The following CNKSR3 variants were observed in gnomAD, a reference collection of about 807,000 sequenced individuals.
CNKSR3 encodes connector enhancer of kinase suppressor of ras 3.
In CNKSR3, 36 loss-of-function variants were observed where a neutral mutation model predicts 67.7. The observed-to-expected ratio is 0.53, with a 90% confidence interval of 0.41 to 0.70. The LOEUF (loss-of-function observed/expected upper bound fraction) is 0.70, where lower values mean the gene tolerates loss of function less well. CNKSR3 is among the 30% of genes least tolerant of loss of function. The pLI is 0.00. For missense variants in CNKSR3, 630 were observed against 695.2 expected (o/e 0.91, Z 1.05); for synonymous variants, 281 against 271.4 (o/e 1.04, Z -0.35).
chr6:154,452,170 G>A (rs1387023804), intron 1 of CNKSR3, among the ~76,000 whole-genome samples: 1 of 152,160 alleles, frequency 6.6e-6, no homozygotes, highest in Non-Finnish European at 1.5e-5. Context: ...GCTCACGGAG[G>A]ATACATAACC....
intron 1 of CNKSR3, among the ~76,000 whole-genome samples, chr6:154,456,969 G>A (rs139209342): frequency 4.6e-5 from 7 of 152,188 alleles, no homozygotes; most frequent in Middle Eastern, 3.4e-3. Flanking sequence ...CAGGATTTGG[G>A]GGGTACATTT....
intron 2 of CNKSR3, among the ~76,000 whole-genome samples, chr6:154,448,947 T>G (rs114818435): frequency 0.023 from 3,546 of 152,270 alleles, 75 homozygotes; most frequent in African/African-American, 0.055. Context: ...TGCTGTCGAG[T>G]TTGTCCAAAT....
At position 154,415,097 on chromosome 6, in the gene CNKSR3, C is replaced by CAA. The variant is rs1157415390; in HGVS notation, c.946-676_946-675dup. Among the ~76,000 whole-genome samples, 272 of 32,806 alleles carry CAA rather than the reference C, an allele frequency of 8.3e-3. 11 individuals carry two copies. The highest frequency in any genetic ancestry group is 0.022 in the South Asian group (12 of 542). 21.5% of individuals were successfully genotyped at this position (32,806 alleles called of 152,430 possible). On this transcript the variant is annotated intron_variant, in intron 9 of 12. Coordinates refer to ENST00000607772, the MANE Select transcript of CNKSR3 (RefSeq NM_173515.4). ...TGGGTAACAGAGTGAGACTCTGTCT[C>CAA]AAAAAAAAAAAAAAAAAAAAAAAAA... is the stretch of plus-strand genomic sequence containing the variant.
chr6:154,407,889 A>C (rs1036904628), intron 12 of CNKSR3, among the ~76,000 whole-genome samples: 1 of 151,378 alleles, frequency 6.6e-6, no homozygotes, highest in African/African-American at 2.4e-5. Flanking sequence ...AAAAAAAAAA[A>C]AAAAAACCTA....
intron 4 of CNKSR3, among the ~76,000 whole-genome samples, chr6:154,434,806 G>A (rs1374280487): frequency 6.6e-6 from 1 of 152,130 alleles, no homozygotes; most frequent in African/African-American, 2.4e-5. Context: ...CTCCAAATGT[G>A]CTTTTCCAAT....
chr6:154,461,909 C>T lies in CNKSR3; in HGVS notation c.53-11651G>A, dbSNP rs532952677. 3.3e-5 allele frequency among the ~76,000 whole-genome samples: 5 copies of T among 152,218 alleles called. No individual in the cohort carries two copies. The South Asian group carries it at 6.2e-4, about 19-fold the overall frequency. ...GCAGGAATCTCATATTATCCGCAAC[C>T]GATGCCTTTTACTTCCTGAAGTGGC... is the stretch of plus-strand genomic sequence containing the variant. On this transcript the variant is annotated intron_variant, in intron 1 of 12. Transcript: ENST00000607772.
rs942225357 is a variant in CNKSR3 at position 154,394,499 on chromosome 6, T to C, written c.*11855A>G. 4.6e-5 allele frequency: 7 copies of C among 151,682 alleles called. No homozygotes were observed. The South Asian group carries it at 1.5e-3, about 32-fold the overall frequency. The allele number at this position is 151,682 out of a possible 1,614,324, so 9.4% of individuals were successfully genotyped here. A position where few individuals can be genotyped will look rare whatever the true frequency, so the allele number is the denominator to read the frequency against. On this transcript the variant is annotated 3_prime_UTR_variant, in exon 13 of 13. Coordinates refer to ENST00000607772, the MANE Select transcript of CNKSR3 (RefSeq NM_173515.4). Reference sequence around the variant, plus strand: ...CTAGCTAGAGGACAGCCACAGAGCATTACCCAACCTGGAACATCCAAAGTG... The same window carrying C: ...CTAGCTAGAGGACAGCCACAGAGCACTACCCAACCTGGAACATCCAAAGTG...
intron 1 of CNKSR3, among the ~76,000 whole-genome samples, chr6:154,477,149 A>G (rs1052355181): frequency 3.3e-5 from 5 of 152,196 alleles, no homozygotes; most frequent in African/African-American, 1.2e-4. Context: ...AACCAACTTT[A>G]TTTCAAAGCA....
intron 10 of CNKSR3, among the ~76,000 whole-genome samples, chr6:154,413,199 A>G (rs895904038): frequency 1.3e-5 from 2 of 151,406 alleles, no homozygotes; most frequent in African/African-American, 4.9e-5. Flanking sequence ...TCATACCTAC[A>G]CTCACAAGGT....
At chr6:154,408,561 A>G (rs1355439211) in intron 12 of CNKSR3, among the ~76,000 whole-genome samples, 1 of 152,210 alleles carries the variant, frequency 6.6e-6, no homozygotes, top group African/African-American at 2.4e-5. Context: ...GCATAAGTCT[A>G]TTTATATGAA....
At position 154,405,772 on chromosome 6, in the gene CNKSR3, T is replaced by C. The variant is rs894689631; in HGVS notation, c.*582A>G. On this transcript the variant is annotated 3_prime_UTR_variant, in exon 13 of 13. Transcript: ENST00000607772. ...CAACTGATCTATACTGAGACTGTCA[T>C]GAAAAAGGTATCAAACAAGTGTAAC... 1.3e-5 allele frequency: 2 copies of C among 154,760 alleles called. No homozygotes were observed. The highest frequency in any genetic ancestry group is 4.8e-5 in the African/African-American group (2 of 41,456). 9.6% of individuals were successfully genotyped at this position (154,760 alleles called of 1,614,324 possible).
intron 1 of CNKSR3, among the ~76,000 whole-genome samples, chr6:154,496,888 C>T (rs1786888834): frequency 6.6e-6 from 1 of 152,196 alleles, no homozygotes; most frequent in Non-Finnish European, 1.5e-5. Flanking sequence ...CACCTAAGTG[C>T]CTCTAGGGGA....
chr6:154,471,413 G>A (rs1338449208), intron 1 of CNKSR3, among the ~76,000 whole-genome samples: 1 of 152,050 alleles, frequency 6.6e-6, no homozygotes. Flanking sequence ...TGGCACAGAG[G>A]CATGCAATCC....
At position 154,388,678 on chromosome 6, in the gene CNKSR3, G is replaced by C. The variant is rs1784575766; in HGVS notation, c.*17676C>G. On this transcript the variant is annotated 3_prime_UTR_variant, in exon 13 of 13. Coordinates refer to ENST00000607772, the MANE Select transcript of CNKSR3 (RefSeq NM_173515.4). ...GTCCACTTCTTCACCAATATTTGTT[G>C]TGTTTTGGTTCTTCAATGATAGCCA... 6.6e-6 allele frequency: 1 copy of C among 152,096 alleles called. No individual in the cohort carries two copies. The highest frequency in any genetic ancestry group is 1.5e-5 in the Non-Finnish European group (1 of 68,036). The allele number at this position is 152,096 out of a possible 1,614,324, so 9.4% of individuals were successfully genotyped here. A position where few individuals can be genotyped will look rare whatever the true frequency, so the allele number is the denominator to read the frequency against.
At chr6:154,484,751 T>C (rs1786634296) in intron 1 of CNKSR3, among the ~76,000 whole-genome samples, 1 of 148,004 alleles carries the variant, frequency 6.8e-6, no homozygotes, top group South Asian at 2.2e-4. Flanking sequence ...AACCTAAATA[T>C]GATTATCCCC....
In CNKSR3 at chr6:154,500,134, C is replaced by G. The variant is rs534370300; in HGVS notation, c.52+9929G>C. On this transcript the variant is annotated intron_variant, in intron 1 of 12. Transcript: ENST00000607772. Reference sequence around the variant, plus strand: ...CCCTACATATTAAGCTAGTTTTCCTCTATTTCAAAGATCATATTCCAACTA... The same window carrying G: ...CCCTACATATTAAGCTAGTTTTCCTGTATTTCAAAGATCATATTCCAACTA... Among the ~76,000 whole-genome samples the G allele has an allele frequency of 3.3e-4, 50 of 152,266 alleles. No individual in the cohort carries two copies. The South Asian group carries it at 1.0e-2, about 30-fold the overall frequency.
In CNKSR3 at chr6:154,428,174, T is replaced by C; in HGVS notation, c.683A>G (p.Lys228Arg). Residue 228 changes from lysine to arginine, a missense_variant, in exon 7 of 13, where the codon AAA (lysine) becomes AGA (arginine). Coordinates refer to ENST00000607772, the MANE Select transcript of CNKSR3 (RefSeq NM_173515.4). ...KPGEGLGMYI[K>R]STYDGLHVIT... ...CACGTGTAACCCATCATAGGTTGATTTGATGTACATGCCCTGGAGTGAATC... is the reference window on the plus strand; with the variant it reads ...CACGTGTAACCCATCATAGGTTGATCTGATGTACATGCCCTGGAGTGAATC... 1.9e-6 allele frequency: 3 copies of C among 1,608,656 alleles called. No individual in the cohort carries two copies. Among genetic ancestry groups the C allele is most frequent in the Non-Finnish European group, 2.6e-6 (3 of 1,174,996 alleles).
chr6:154,432,046 T>C lies in CNKSR3; in HGVS notation c.549+1420A>G, dbSNP rs768227293. Among the ~76,000 whole-genome samples the C allele has an allele frequency of 1.4e-3, 212 of 152,194 alleles. 2 individuals carry two copies. The highest frequency in any genetic ancestry group is 2.7e-3 in the Non-Finnish European group (183 of 68,044). On this transcript the variant is annotated intron_variant, in intron 5 of 12. Transcript: ENST00000607772. ...GTAGGAGCACAACTGTTGGATCATA[T>C]GGTAAGAATATGTTTAGTTTTGTAA...
At position 154,421,440 on chromosome 6, in the gene CNKSR3, CA is replaced by C. The variant is rs1785141285; in HGVS notation, c.945+1065del. On this transcript the variant is annotated intron_variant, in intron 9 of 12. Coordinates refer to ENST00000607772, the MANE Select transcript of CNKSR3 (RefSeq NM_173515.4). ...TCCATAGGAAGACATACAATAACATCAAAAATAGTCACAAATAAACCATAAT... is the reference window on the plus strand; with the variant it reads ...TCCATAGGAAGACATACAATAACATCAAAATAGTCACAAATAAACCATAAT... Among the ~76,000 whole-genome samples the C allele has an allele frequency of 3.9e-5, 6 of 152,094 alleles. No homozygotes were observed. In the South Asian group the frequency reaches 1.2e-3, roughly 32 times the overall value.
Sources: allele counts gnomAD v4.1 joint callset (sites outside exome capture counted in the v4.1 genomes callset), GRCh38; gene constraint gnomAD v4.1.1; transcripts MANE v1.5; gene names NCBI Gene and HGNC (gene_info 2026-07-23, HGNC 2026-07-21).